The following IL1RAPL1 variants were observed in gnomAD, a reference collection of about 807,000 sequenced individuals.
IL1RAPL1 encodes the protein interleukin-1 receptor accessory protein-like 1.
In IL1RAPL1, 3 loss-of-function variants were observed where a neutral mutation model predicts 48.4. The observed-to-expected ratio is 0.06, with a 90% CI of 0.03 to 0.16. The LOEUF (loss-of-function observed/expected upper bound fraction) is 0.16. IL1RAPL1 is among the 10% of genes least tolerant of loss of function. The probability of loss-of-function intolerance (pLI) is 1.00; values close to 1 mark genes in which losing one functional copy is unlikely to be tolerated. For synonymous variants in IL1RAPL1, 185 were observed against 187.7 expected (o/e 0.99, Z 0.12); for missense variants, 349 against 530.6 (o/e 0.66, Z 3.36).
intron 2 of IL1RAPL1, among the ~76,000 whole-genome samples, chrX:28,874,151 G>GT (rs1270078739): frequency 1.8e-5 from 2 of 111,175 alleles, no homozygotes; most frequent in Non-Finnish European, 3.8e-5. Context: ...CTGTCAACAC[G>GT]TAACAATAAG....
At chrX:29,621,954 A>T (rs914013269) in intron 5 of IL1RAPL1, among the ~76,000 whole-genome samples, 1 of 111,958 alleles carries the variant, frequency 8.9e-6, no homozygotes, top group African/African-American at 3.2e-5. Context: ...AACAACCAAT[A>T]TGCTATCTTC....
intron 6 of IL1RAPL1, among the ~76,000 whole-genome samples, chrX:29,805,159 C>G (rs1170871735): frequency 1.8e-5 from 2 of 111,344 alleles, no homozygotes; most frequent in Non-Finnish European, 3.8e-5. Context: ...CAATATCATT[C>G]TTCAAATGAT....
intron 2 of IL1RAPL1, among the ~76,000 whole-genome samples, chrX:29,209,630 T>G (rs779688332): frequency 8.9e-6 from 1 of 112,288 alleles, no homozygotes; most frequent in South Asian, 3.7e-4. Flanking sequence ...TCCAGCAAAT[T>G]TTGCCTCTTT....
At chrX:29,227,479 C>T (rs759037786) in intron 2 of IL1RAPL1, among the ~76,000 whole-genome samples, 98 of 111,370 alleles carry the variant, frequency 8.8e-4, no homozygotes, top group Non-Finnish European at 1.5e-3. Flanking sequence ...CAGACTAAGA[C>T]TTTTTAATTT....
At chrX:29,220,276 A>C (rs1930950129) in intron 2 of IL1RAPL1, among the ~76,000 whole-genome samples, 1 of 112,425 alleles carries the variant, frequency 8.9e-6, no homozygotes, top group Admixed American at 9.5e-5. Flanking sequence ...AATTTGACAT[A>C]ATAATTCACC....
At chrX:28,767,520 T>G (rs1044516903) in intron 1 of IL1RAPL1, among the ~76,000 whole-genome samples, 4 of 111,607 alleles carry the variant, frequency 3.6e-5, no homozygotes, top group African/African-American at 1.3e-4. Flanking sequence ...GAATGACAAC[T>G]TTTTAATTAG....
At chrX:29,112,779 G>C (rs904507634) in intron 2 of IL1RAPL1, among the ~76,000 whole-genome samples, 1 of 104,219 alleles carries the variant, frequency 9.6e-6, no homozygotes, top group Non-Finnish European at 1.9e-5. Context: ...GGTAGAGAAG[G>C]CATGTCAACT....
chrX:28,856,694 T>C (rs982971586), intron 2 of IL1RAPL1, among the ~76,000 whole-genome samples: 3 of 111,256 alleles, frequency 2.7e-5, no homozygotes, highest in African/African-American at 9.8e-5. Context: ...CATGCCCACA[T>C]AGGAACTTAA....
At chrX:29,164,298 T>A (rs1209183952) in intron 2 of IL1RAPL1, among the ~76,000 whole-genome samples, 2 of 111,902 alleles carry the variant, frequency 1.8e-5, no homozygotes, top group Non-Finnish European at 3.8e-5. Flanking sequence ...TGTGTACTAT[T>A]CATTTTGTAT....
chrX:29,161,045 G>C (rs1929673637), intron 2 of IL1RAPL1, among the ~76,000 whole-genome samples: 1 of 108,709 alleles, frequency 9.2e-6, no homozygotes, highest in Admixed American at 9.9e-5. Context: ...TGGGTGCAAA[G>C]CGAGACTCTG....
chrX:29,793,341 T>C (rs964689130), intron 6 of IL1RAPL1, among the ~76,000 whole-genome samples: 3 of 112,592 alleles, frequency 2.7e-5, no homozygotes, highest in African/African-American at 9.7e-5. Flanking sequence ...TTATTAATAT[T>C]AGGTTAAGCA....
intron 6 of IL1RAPL1, among the ~76,000 whole-genome samples, chrX:29,715,673 C>A (rs1191278074): frequency 9.0e-6 from 1 of 111,568 alleles, no homozygotes; most frequent in East Asian, 2.8e-4. Context: ...CTTCCACTCT[C>A]CTTCTCCTGA....
chrX:29,399,635 A>G (rs1211040910), intron 5 of IL1RAPL1, among the ~76,000 whole-genome samples: 1 of 110,950 alleles, frequency 9.0e-6, no homozygotes. Context: ...CCTGGCCAAC[A>G]TGGTGAAACC....
chrX:29,032,029 T>C (rs1270123857), intron 2 of IL1RAPL1, among the ~76,000 whole-genome samples: 1 of 111,839 alleles, frequency 8.9e-6, no homozygotes, highest in Admixed American at 9.5e-5. Flanking sequence ...ATCTATCTGT[T>C]TTTATGTCTA....
intron 6 of IL1RAPL1, among the ~76,000 whole-genome samples, chrX:29,750,767 A>G (rs1474553716): frequency 8.9e-6 from 1 of 111,937 alleles, no homozygotes; most frequent in Non-Finnish European, 1.9e-5. Context: ...AATCTGATCA[A>G]TGCTATTTTT....
chrX:29,564,637 T>A (rs1424888045), intron 5 of IL1RAPL1, among the ~76,000 whole-genome samples: 1 of 112,988 alleles, frequency 8.9e-6, no homozygotes, highest in African/African-American at 3.2e-5. Context: ...TTAATGGTAG[T>A]TGGCTTTAAT....
intron 6 of IL1RAPL1, among the ~76,000 whole-genome samples, chrX:29,844,302 G>A (rs1468053210): frequency 2.7e-5 from 3 of 111,659 alleles, no homozygotes; most frequent in Non-Finnish European, 5.6e-5. Context: ...CTGAATATTT[G>A]GTCTATAACA....
At chrX:28,797,851 T>C (rs1185922433) in intron 2 of IL1RAPL1, among the ~76,000 whole-genome samples, 5 of 111,908 alleles carry the variant, frequency 4.5e-5, no homozygotes, top group African/African-American at 1.6e-4. Flanking sequence ...TTCATGCTGC[T>C]GATAAGGACA....
At chrX:29,305,063 A>G (rs893192142) in intron 3 of IL1RAPL1, among the ~76,000 whole-genome samples, 4 of 112,852 alleles carry the variant, frequency 3.5e-5, no homozygotes, top group Admixed American at 9.3e-5. Flanking sequence ...TAGGACTCAT[A>G]GAGAAATGAG....
Sources: gnomAD v4.1 joint callset for allele counts (sites outside exome capture counted in the v4.1 genomes callset) on GRCh38, gnomAD v4.1.1 for gene constraint, MANE v1.5 for transcripts, NCBI Gene and HGNC (gene_info 2026-07-23, HGNC 2026-07-21) for gene names.